Variants in PCDHA10 observed in about 807,000 individuals in gnomAD.
PCDHA10 encodes protocadherin alpha 10.
PCDHA10 carries 45 observed loss-of-function variants against 61.2 expected under a neutral mutation model. The observed-to-expected ratio is 0.74, with a 90% CI of 0.58 to 0.94. PCDHA10 has a LOEUF of 0.94. PCDHA10 is among the 40% of genes least tolerant of loss of function. The pLI, the probability that PCDHA10 is intolerant of heterozygous loss-of-function variation, is 0.00. For synonymous variants in PCDHA10, 602 were observed against 548.8 expected (o/e 1.10, Z -1.35); for missense variants, 1,278 against 1,236.2 (o/e 1.03, Z -0.51).
chr5:140,929,024 C>T, intron 1 of PCDHA10: 1 of 1,614,172 alleles, frequency 6.2e-7, no homozygotes, highest in Non-Finnish European at 8.5e-7. Context: ...CACCAGAGCC[C>T]AGGCTGTTGC....
intron 1 of PCDHA10, among the ~76,000 whole-genome samples, chr5:140,934,224 AT>A: frequency 6.6e-6 from 1 of 152,246 alleles, no homozygotes. Context: ...TGTTTAAAAG[AT>A]TTGTACTTAA....
chr5:140,878,856 G>T (rs1210501065), intron 1 of PCDHA10, among the ~76,000 whole-genome samples: 1 of 152,168 alleles, frequency 6.6e-6, no homozygotes, highest in Admixed American at 6.5e-5. Flanking sequence ...GGGTTCAACT[G>T]ATCCTCCATT....
intron 1 of PCDHA10, among the ~76,000 whole-genome samples, chr5:140,914,601 T>G (rs190275610): frequency 1.8e-4 from 27 of 152,294 alleles, no homozygotes; most frequent in Non-Finnish European, 3.7e-4. Context: ...AGGAACTTCC[T>G]CCTGCCATTT....
At chr5:140,970,464 G>T (rs2096408291) in intron 1 of PCDHA10, among the ~76,000 whole-genome samples, 1 of 152,154 alleles carries the variant, frequency 6.6e-6, no homozygotes, top group African/African-American at 2.4e-5. Flanking sequence ...ATTTAAGTAG[G>T]TATAAGGCCA....
chr5:140,870,880 G>C (rs782304708), intron 1 of PCDHA10: 1 of 1,613,948 alleles, frequency 6.2e-7, no homozygotes, highest in South Asian at 1.1e-5. Context: ...GGTGGCGAAG[G>C]TGCGCGCAGT....
At chr5:140,899,545 G>A (rs2067400002) in intron 1 of PCDHA10, among the ~76,000 whole-genome samples, 1 of 152,158 alleles carries the variant, frequency 6.6e-6, no homozygotes, top group African/African-American at 2.4e-5. Context: ...TGATCATGGT[G>A]GATAAGCTTT....
intron 1 of PCDHA10, among the ~76,000 whole-genome samples, chr5:140,909,351 T>C (rs2153508982): frequency 6.6e-6 from 1 of 152,238 alleles, no homozygotes; most frequent in African/African-American, 2.4e-5. Context: ...TACCAAGAGA[T>C]GTGTTAATTT....
chr5:140,945,709 G>T (rs1033770128), intron 1 of PCDHA10, among the ~76,000 whole-genome samples: 1 of 151,930 alleles, frequency 6.6e-6, no homozygotes. Flanking sequence ...TGCAACAAAA[G>T]TATCAAGAAT....
At chr5:140,938,715 C>T (rs138044331) in intron 1 of PCDHA10, among the ~76,000 whole-genome samples, 10 of 152,038 alleles carry the variant, frequency 6.6e-5, no homozygotes, top group African/African-American at 2.4e-4. Flanking sequence ...ATGATAGAAA[C>T]GCGTTTCTAC....
intron 1 of PCDHA10, among the ~76,000 whole-genome samples, chr5:140,880,485 G>T (rs957327401): frequency 6.6e-6 from 1 of 152,190 alleles, no homozygotes; most frequent in Non-Finnish European, 1.5e-5. Flanking sequence ...GACACAAGAA[G>T]AGAGCAATTG....
chr5:140,977,899 C>A (rs1193855952), intron 1 of PCDHA10, among the ~76,000 whole-genome samples: 1 of 152,124 alleles, frequency 6.6e-6, no homozygotes, highest in East Asian at 1.9e-4. Context: ...CAAAATACAA[C>A]TTTTATCCCC....
At chr5:140,970,366 A>G (rs1438755786) in intron 1 of PCDHA10, among the ~76,000 whole-genome samples, 2 of 152,196 alleles carry the variant, frequency 1.3e-5, no homozygotes, top group Admixed American at 1.3e-4. Context: ...TTGATTTGCT[A>G]TAGCTTCAAA....
At chr5:140,873,162 G>A (rs782467879) in intron 1 of PCDHA10, among the ~76,000 whole-genome samples, 21 of 152,108 alleles carry the variant, frequency 1.4e-4, no homozygotes, top group Non-Finnish European at 2.2e-4. Flanking sequence ...ACTTTAGATC[G>A]AGAGCTTTTG....
intron 1 of PCDHA10, among the ~76,000 whole-genome samples, chr5:140,887,368 T>C (rs2061428699): frequency 6.6e-6 from 1 of 152,174 alleles, no homozygotes; most frequent in Non-Finnish European, 1.5e-5. Context: ...AGTGCTGGGA[T>C]TACAGGTGTG....
In PCDHA10 at chr5:140,871,291, G is replaced by T. The variant is rs2052917819; in HGVS notation, c.2388+12855G>T. 3 of 1,613,906 alleles carry T rather than the reference G, an allele frequency of 1.9e-6. No individual in the cohort carries two copies. Among genetic ancestry groups the T allele is most frequent in the African/African-American group, 2.7e-5 (2 of 75,070 alleles). ...GTGGTCGGCAACGCCCACTGAGGGC[G>T]CGTGCGCGCCGGGGAAGCCCACGCT... On this transcript the variant is annotated intron_variant, in intron 1 of 3. Transcript: ENST00000307360.
chr5:140,976,378 C>G (rs908008970), intron 1 of PCDHA10, among the ~76,000 whole-genome samples: 2 of 151,926 alleles, frequency 1.3e-5, no homozygotes, highest in Non-Finnish European at 2.9e-5. Flanking sequence ...TGGTGAAACC[C>G]CATCTCTACT....
intron 1 of PCDHA10, among the ~76,000 whole-genome samples, chr5:140,923,186 C>T (rs559668347): frequency 2.0e-5 from 3 of 152,206 alleles, no homozygotes; most frequent in African/African-American, 7.2e-5. Context: ...GATGCATCTA[C>T]TGCAGCAATT....
intron 1 of PCDHA10, chr5:140,870,635 C>T (rs1365729454): frequency 1.9e-6 from 3 of 1,612,850 alleles, no homozygotes; most frequent in Non-Finnish European, 2.5e-6. Flanking sequence ...TCGGTGCACG[C>T]GGAGAGCGGC....
chr5:140,856,373 G>A lies in PCDHA10; in HGVS notation c.325G>A (p.Val109Met), dbSNP rs781914523. The A allele has an allele frequency of 6.3e-7, 1 of 1,598,562 alleles. No homozygotes were observed. The highest frequency in any genetic ancestry group is 8.6e-7 in the Non-Finnish European group (1 of 1,167,990). The part of the protein sequence containing the change: ...VECSIHLEVI[V>M]DRPLQVFHVD... The stretch of plus-strand genomic sequence containing the variant: ...GTGCAGCATCCACCTGGAGGTGATC[G>A]TGGACAGGCCGCTGCAGGTTTTCCA... The change falls in exon 1 of 4, where the codon GTG (valine) becomes ATG (methionine). Residue 109 changes from valine (V) to methionine (M), a missense_variant. By Grantham distance (21) the Val-to-Met change is conservative (BLOSUM62 1). Transcript: ENST00000307360.
Sources: gnomAD v4.1 joint callset for allele counts (sites outside exome capture counted in the v4.1 genomes callset) on GRCh38, gnomAD v4.1.1 for gene constraint, MANE v1.5 for transcripts, NCBI Gene and HGNC (gene_info 2026-07-23, HGNC 2026-07-21) for gene names.